EEPD1: variants seen among roughly 807,000 people sequenced by gnomAD.
EEPD1 encodes the protein endonuclease/exonuclease/phosphatase family domain-containing protein 1.
EEPD1 carries 17 observed loss-of-function variants against 46.3 expected under a neutral mutation model. The observed-to-expected ratio is 0.37, with a 90% CI of 0.25 to 0.55. The LOEUF (loss-of-function observed/expected upper bound fraction) is 0.55. EEPD1 is among the 20% of genes least tolerant of loss of function. The pLI is 0.83. For synonymous variants in EEPD1, 313 were observed against 315.6 expected (o/e 0.99, Z 0.09); for missense variants, 673 against 745.6 (o/e 0.90, Z 1.13).
chr7:36,256,823 T>C (rs1786835121), intron 3 of EEPD1, among the ~76,000 whole-genome samples: 1 of 152,248 alleles, frequency 6.6e-6, no homozygotes, highest in Non-Finnish European at 1.5e-5. Context: ...CCCATTTACA[T>C]TTAAGGTTAA....
chr7:36,192,790 C>T (rs962776123), intron 2 of EEPD1, among the ~76,000 whole-genome samples: 7 of 152,194 alleles, frequency 4.6e-5, no homozygotes, highest in Admixed American at 2.6e-4. Context: ...TTCGTGAATG[C>T]GGTTAGAGAC....
intron 2 of EEPD1, among the ~76,000 whole-genome samples, chr7:36,224,219 C>T (rs926057642): frequency 1.3e-5 from 2 of 152,180 alleles, no homozygotes; most frequent in African/African-American, 4.8e-5. Context: ...CAGCAGCCAG[C>T]CTGACTTTTA....
chr7:36,161,991 G>C (rs2726048), intron 2 of EEPD1, among the ~76,000 whole-genome samples: 114,614 of 152,032 alleles, frequency 0.75, 43,630 homozygotes, highest in Middle Eastern at 0.81. Flanking sequence ...TAAAATGATA[G>C]ATTTTACTGA....
chr7:36,266,054 T>G (rs933798021), intron 3 of EEPD1, among the ~76,000 whole-genome samples: 3 of 152,178 alleles, frequency 2.0e-5, no homozygotes, highest in African/African-American at 7.2e-5. Flanking sequence ...AGGGCATGTC[T>G]GGTGCAAATC....
chr7:36,258,517 G>T (rs966757050), intron 3 of EEPD1, among the ~76,000 whole-genome samples: 1 of 152,188 alleles, frequency 6.6e-6, no homozygotes, highest in Non-Finnish European at 1.5e-5. Flanking sequence ...TTCCAGAGAT[G>T]CCCTGCCCTG....
chr7:36,288,970 T>A (rs1787384148), intron 6 of EEPD1, among the ~76,000 whole-genome samples: 1 of 152,218 alleles, frequency 6.6e-6, no homozygotes, highest in Non-Finnish European at 1.5e-5. Flanking sequence ...TCTTCTATCT[T>A]TTGAGTCTGG....
chr7:36,241,022 A>G (rs1184536948), intron 3 of EEPD1, among the ~76,000 whole-genome samples: 6 of 152,216 alleles, frequency 3.9e-5, no homozygotes, highest in Non-Finnish European at 8.8e-5. Flanking sequence ...GATGAGAATA[A>G]CTCATCAAGT....
At chr7:36,209,632 T>G (rs1318417545) in intron 2 of EEPD1, among the ~76,000 whole-genome samples, 1 of 149,602 alleles carries the variant, frequency 6.7e-6, no homozygotes, top group Non-Finnish European at 1.5e-5. Flanking sequence ...AGAGGAGTCA[T>G]GTGGGCTGCA....
intron 2 of EEPD1, among the ~76,000 whole-genome samples, chr7:36,215,988 G>A (rs111736517): frequency 0.015 from 2,351 of 152,314 alleles, 27 homozygotes; most frequent in Non-Finnish European, 0.027. Flanking sequence ...GAGCCAATGG[G>A]TAAATCTTTT....
chr7:36,264,465 G>A (rs1445239102), intron 3 of EEPD1, among the ~76,000 whole-genome samples: 1 of 152,202 alleles, frequency 6.6e-6, no homozygotes, highest in African/African-American at 2.4e-5. Flanking sequence ...TGGCGTGTGT[G>A]TAAAGGGCCT....
intron 3 of EEPD1, among the ~76,000 whole-genome samples, chr7:36,246,589 G>T (rs185135500): frequency 5.9e-5 from 9 of 152,180 alleles, no homozygotes; most frequent in South Asian, 2.1e-4. Context: ...ACTTGAGATC[G>T]ATCTGTTGCC....
At chr7:36,173,349 C>T (rs895756912) in intron 2 of EEPD1, among the ~76,000 whole-genome samples, 1 of 69,318 alleles carries the variant, frequency 1.4e-5, no homozygotes, top group East Asian at 5.1e-4. Context: ...AAAAAAAAAA[C>T]TTAGCTGGGT....
intron 6 of EEPD1, among the ~76,000 whole-genome samples, chr7:36,293,735 G>A (rs10280938): frequency 0.24 from 36,336 of 152,084 alleles, 4,862 homozygotes; most frequent in Non-Finnish European, 0.31. Flanking sequence ...AGGCCAAGGC[G>A]GACAGATCAC....
intron 6 of EEPD1, among the ~76,000 whole-genome samples, chr7:36,294,391 GA>G (rs1430729516): frequency 6.6e-6 from 1 of 151,918 alleles, no homozygotes; most frequent in Non-Finnish European, 1.5e-5. Flanking sequence ...ATTTAGTTGA[GA>G]AAAAAAGGAT....
At chr7:36,182,270 T>A (rs1785280801) in intron 2 of EEPD1, among the ~76,000 whole-genome samples, 1 of 152,236 alleles carries the variant, frequency 6.6e-6, no homozygotes, top group Non-Finnish European at 1.5e-5. Context: ...AATATATATC[T>A]TCTTTGCATT....
intron 3 of EEPD1, 27 bp from the exon 4 acceptor site, chr7:36,281,088 C>G (rs1465289197): frequency 6.2e-7 from 1 of 1,610,336 alleles, no homozygotes; most frequent in Non-Finnish European, 8.5e-7. Flanking sequence ...CGAACCCACG[C>G]TTCTGACCTG....
intron 3 of EEPD1, among the ~76,000 whole-genome samples, chr7:36,248,994 A>AACACACAC (rs71553052): frequency 0.14 from 18,263 of 135,190 alleles, 1,390 homozygotes; most frequent in Admixed American, 0.19. Flanking sequence ...TGGTTCATTA[A>AACACACAC]ACACACACAC....
At chr7:36,196,563 C>G (rs962791753) in intron 2 of EEPD1, among the ~76,000 whole-genome samples, 1 of 152,252 alleles carries the variant, frequency 6.6e-6, no homozygotes, top group Non-Finnish European at 1.5e-5. Flanking sequence ...AGGCGCGCGC[C>G]GCCACGCCTG....
chr7:36,273,718 AT>A, intron 3 of EEPD1, among the ~76,000 whole-genome samples: 1 of 152,196 alleles, frequency 6.6e-6, no homozygotes, highest in South Asian at 2.1e-4. Flanking sequence ...GTCTGGAGTC[AT>A]TTCCCCCCAT....
Sources: gnomAD v4.1 joint callset for allele counts (sites outside exome capture counted in the v4.1 genomes callset) on GRCh38, gnomAD v4.1.1 for gene constraint, MANE v1.5 for transcripts, NCBI Gene and HGNC (gene_info 2026-07-23, HGNC 2026-07-21) for gene names.